Variants in ASH1L observed in about 807,000 individuals in gnomAD.
The protein encoded by ASH1L is ASH1 like histone lysine methyltransferase, also known as histone-lysine N-methyltransferase ASH1L.
In ASH1L, 23 loss-of-function variants were observed where a neutral mutation model predicts 269.0. The observed-to-expected ratio is 0.09, with a 90% CI of 0.06 to 0.12. ASH1L has a LOEUF of 0.12. Ranked by LOEUF, ASH1L falls within the 10% of genes least tolerant of loss-of-function variation. The pLI, the probability that ASH1L is intolerant of heterozygous loss-of-function variation, is 1.00. For missense variants in ASH1L, 2,912 were observed against 3,567.8 expected (o/e 0.82, Z 4.68); for synonymous variants, 1,187 against 1,253.5 (o/e 0.95, Z 1.12).
At chr1:155,436,182 TTTTATTTATTTA>T (rs539380944) in intron 5 of ASH1L, among the ~76,000 whole-genome samples, 1 of 152,238 alleles carries the variant, frequency 6.6e-6, no homozygotes, top group Non-Finnish European at 1.5e-5. Flanking sequence ...ACAGTTTTAT[TTTTATTTATTTA>T]TTTATTTATT....
At chr1:155,519,465 T>G (rs1191278643) in intron 2 of ASH1L, among the ~76,000 whole-genome samples, 1 of 151,774 alleles carries the variant, frequency 6.6e-6, no homozygotes, top group East Asian at 1.9e-4. Flanking sequence ...TAAATAAAAA[T>G]AAAGTGGTAT....
chr1:155,490,031 C>T (rs536358616), intron 2 of ASH1L, among the ~76,000 whole-genome samples: 1 of 150,770 alleles, frequency 6.6e-6, no homozygotes, highest in Admixed American at 6.6e-5. Context: ...TGCAGTGGTG[C>T]CATCTCGGCT....
chr1:155,536,002 A>G (rs1271727202), intron 1 of ASH1L, among the ~76,000 whole-genome samples: 1 of 143,314 alleles, frequency 7.0e-6, no homozygotes, highest in Admixed American at 6.9e-5. Flanking sequence ...CCATCTCAAG[A>G]AAAAAAAAAA....
intron 12 of ASH1L, chr1:155,370,047 A>G (rs148068949): frequency 0.018 from 3,167 of 173,402 alleles, 104 homozygotes; most frequent in African/African-American, 0.072. Flanking sequence ...GATTACAGGC[A>G]TGAGCCAACA....
rs1672117999 is a variant in ASH1L, at chr1:155,562,749, G to A, written c.-696C>T. 8.6e-7 allele frequency: 1 copy of A among 1,165,500 alleles called. No individual in the cohort carries two copies. The highest frequency in any genetic ancestry group is 2.7e-5 in the East Asian group (1 of 36,644). 72.2% of individuals were successfully genotyped at this position (1,165,500 alleles called of 1,614,324 possible). On this transcript the variant is annotated 5_prime_UTR_variant, in exon 1 of 28. Transcript: ENST00000392403. ...CTCACTACCCCTCAGGCCCTGTCAA[G>A]CCGGCGCCGGCGCAGGCCCTCACGC...
At chr1:155,359,226 ATGTGGGAC>A (rs1364489380) in intron 13 of ASH1L, among the ~76,000 whole-genome samples, 1 of 152,204 alleles carries the variant, frequency 6.6e-6, no homozygotes, top group African/African-American at 2.4e-5. Flanking sequence ...CCTCTTGAGT[ATGTGGGAC>A]TGTAGGTAGG....
intron 1 of ASH1L, among the ~76,000 whole-genome samples, chr1:155,547,306 A>C (rs888756484): frequency 1.3e-5 from 2 of 152,042 alleles, no homozygotes; most frequent in Non-Finnish European, 2.9e-5. Flanking sequence ...AAATCCTCTG[A>C]AGACACATGC....
intron 1 of ASH1L, among the ~76,000 whole-genome samples, chr1:155,533,271 A>G (rs183228071): frequency 1.3e-5 from 2 of 152,216 alleles, no homozygotes. Context: ...TGTTTTACAT[A>G]TATTATCTCA....
chr1:155,480,610 T>C lies in ASH1L; in HGVS notation c.2260A>G (p.Asn754Asp), dbSNP rs1474661781. ...NVSCSSLSNSNSEPAKFMKNI... is the reference protein window; with the variant it reads ...NVSCSSLSNSDSEPAKFMKNI... ...TTCATAAACTTGGCTGGCTCAGAAT[T>C]ACTATTTGATAGTGAGCTACATGAA... Residue 754 changes from asparagine (N) to aspartate (D), a missense_variant, in exon 3 of 28, where the codon AAT (asparagine) becomes GAT (aspartate). By Grantham distance (23) the Asn-to-Asp change is conservative. Coordinates refer to ENST00000392403, the MANE Select transcript of ASH1L (RefSeq NM_018489.3). 1 of 1,614,162 alleles carries C rather than the reference T, an allele frequency of 6.2e-7. No homozygotes were observed. Among genetic ancestry groups the C allele is most frequent in the Admixed American group, 1.7e-5 (1 of 60,014 alleles).
At chr1:155,460,311 T>TA (rs1664194086) in intron 3 of ASH1L, among the ~76,000 whole-genome samples, 1 of 152,116 alleles carries the variant, frequency 6.6e-6, no homozygotes, top group Admixed American at 6.6e-5. Flanking sequence ...TGTAATTTAT[T>TA]AAAAAGTTGA....
chr1:155,446,506 C>T (rs1663040542), intron 4 of ASH1L, among the ~76,000 whole-genome samples: 1 of 150,236 alleles, frequency 6.7e-6, no homozygotes, highest in South Asian at 2.1e-4. Context: ...ACCATGTTGC[C>T]TAGACTGGTC....
intron 5 of ASH1L, 83 bp from the exon 6 acceptor site, chr1:155,416,006 A>G: frequency 8.7e-7 from 1 of 1,147,698 alleles, no homozygotes; most frequent in Non-Finnish European, 1.2e-6. Flanking sequence ...AAAAAAAACC[A>G]TAGCAATTAA....
chr1:155,481,163 T>G lies in ASH1L; in HGVS notation c.1707A>C (p.Arg569Ser), dbSNP rs1156708971. ...ACTGTGAAGAAGTTTCAGGGGGACT[T>G]CTGGTTAAAGGATTAACAGATACAG... ...SPTVSVNPLT[R>S]SPPETSSQLA... The change falls in exon 3 of 28, where the codon AGA becomes AGC. Residue 569 changes from arginine (R) to serine (S), a missense_variant. Arg to Ser is a moderately radical substitution (Grantham distance 110). Around this residue, in one of 13 missense-constraint regions of ASH1L, gnomAD observed 715 missense variants for 721.0 expected, o/e 0.99. Transcript: ENST00000392403. 1 of 1,614,072 alleles carries G rather than the reference T, an allele frequency of 6.2e-7. No homozygotes were observed. Among genetic ancestry groups the G allele is most frequent in the Admixed American group, 1.7e-5 (1 of 60,020 alleles).
intron 11 of ASH1L, 48 bp downstream of exon 11, chr1:155,370,729 A>G: frequency 6.2e-7 from 1 of 1,613,064 alleles, no homozygotes; most frequent in East Asian, 2.2e-5. Flanking sequence ...CTCCATTCTA[A>G]TCTTATACCT....
chr1:155,415,984 G>C, intron 5 of ASH1L, 61 bp from the exon 6 acceptor site: 1 of 1,286,082 alleles, frequency 7.8e-7, no homozygotes, highest in Non-Finnish European at 1.0e-6. Context: ...ACAAATAATT[G>C]TCTACTTAAA....
chr1:155,380,194 C>G, intron 7 of ASH1L, 78 bp from the exon 8 acceptor site: 1 of 989,876 alleles, frequency 1.0e-6, no homozygotes, highest in Non-Finnish European at 1.6e-6. Flanking sequence ...GCTACAAGAA[C>G]TAACATGTAC....
intron 1 of ASH1L, among the ~76,000 whole-genome samples, chr1:155,533,575 G>C (rs867500411): frequency 1.3e-5 from 2 of 151,738 alleles, no homozygotes; most frequent in Non-Finnish European, 2.9e-5. Context: ...TTGGCCAGGC[G>C]TGGTGGTGTG....
intron 1 of ASH1L, among the ~76,000 whole-genome samples, chr1:155,560,840 A>T (rs1671912074): frequency 6.6e-6 from 1 of 152,302 alleles, no homozygotes; most frequent in Non-Finnish European, 1.5e-5. Flanking sequence ...AATCCAAAAT[A>T]ATATAGTCAT....
intron 5 of ASH1L, among the ~76,000 whole-genome samples, chr1:155,426,226 G>A (rs1409929768): frequency 1.2e-4 from 18 of 151,752 alleles, no homozygotes; most frequent in Non-Finnish European, 2.1e-4. Flanking sequence ...CATCATGCCC[G>A]GCTAATTTTT....
Sources: allele counts gnomAD v4.1 joint callset (sites outside exome capture counted in the v4.1 genomes callset), GRCh38; gene constraint gnomAD v4.1.1; regional missense constraint gnomAD v4.1.1; transcripts MANE v1.5; gene names NCBI Gene and HGNC (gene_info 2026-07-23, HGNC 2026-07-21).